Variants in RNF123 observed in about 807,000 individuals in gnomAD.
RNF123 encodes ring finger protein 123.
RNF123 carries 86 observed loss-of-function variants against 168.5 expected under a neutral mutation model. The ratio of observed to expected loss-of-function variants is 0.51; its 90% CI spans 0.43 to 0.61. The LOEUF (loss-of-function observed/expected upper bound fraction) is 0.61, where lower values mean the gene tolerates loss of function less well. Ranked by LOEUF, RNF123 falls within the 20% of genes least tolerant of loss-of-function variation. RNF123 has a pLI of 0.00. For synonymous variants in RNF123, 666 were observed against 689.1 expected (o/e 0.97, Z 0.52); for missense variants, 1,419 against 1,729.7 (o/e 0.82, Z 3.19).
Position 49,705,670 on chromosome 3 carries a change from G to C in RNF123, c.2295G>C (p.Gln765His). Reference sequence around the variant, plus strand: ...TGTACAACCTCAGCGTACACCAGCAGCTGGGCAAGGTCGTGCACTCTTGGA... The same window carrying C: ...TGTACAACCTCAGCGTACACCAGCACCTGGGCAAGGTCGTGCACTCTTGGA... The part of the protein sequence containing the change: ...VMMYNLSVHQ[Q>H]LGKMVGVSDD... Residue 765 changes from glutamine (Q) to histidine (H), a missense_variant, in exon 24 of 39, where the codon CAG becomes CAC. Physicochemically the swap from Gln to His is conservative, Grantham distance 24 (BLOSUM62 0). Around this residue, in one of 5 missense-constraint regions of RNF123, gnomAD observed 538 missense variants for 708.8 expected, o/e 0.76. Coordinates refer to ENST00000327697, the MANE Select transcript of RNF123 (RefSeq NM_022064.5). The C allele has an allele frequency of 6.2e-7, 1 of 1,614,212 alleles. No individual in the cohort carries two copies. Among genetic ancestry groups the C allele is most frequent in the East Asian group, 2.2e-5 (1 of 44,872 alleles).
intron 35 of RNF123, chr3:49,719,288 G>A (rs2080332002): frequency 6.2e-7 from 1 of 1,613,154 alleles, no homozygotes; most frequent in Non-Finnish European, 8.5e-7. Flanking sequence ...GTAGCGGCAG[G>A]TAACTCGGCT....
chr3:49,715,996 C>G lies in RNF123; in HGVS notation c.3325C>G (p.Arg1109Gly). The change falls in exon 33 of 39, where the codon CGG (arginine) becomes GGG (glycine). Residue 1109 changes from arginine to glycine, a missense_variant. Coordinates refer to ENST00000327697, the MANE Select transcript of RNF123 (RefSeq NM_022064.5). The stretch of plus-strand genomic sequence containing the variant: ...CCGGCCTACCTCTGAGATGCTGCTG[C>G]GGCGTCTTGCACAGGTGTGGCCATC... ...WTRPTSEMLL[R>G]RLAQLLNQVL... is the part of the protein sequence containing the mutation. 1 of 1,613,948 alleles carries G rather than the reference C, an allele frequency of 6.2e-7. No homozygotes were observed. Among genetic ancestry groups the G allele is most frequent in the South Asian group, 1.1e-5 (1 of 91,088 alleles).
At chr3:49,717,039 C>T (rs2080261211) in intron 35 of RNF123, 1 of 153,480 alleles carries the variant, frequency 6.5e-6, no homozygotes, top group Non-Finnish European at 1.5e-5. Context: ...AGTGCCAGCC[C>T]TTAAGAGGCT....
At chr3:49,716,225 C>T (rs932911945) in intron 34 of RNF123, 48 bp downstream of exon 34, 2 of 1,600,224 alleles carry the variant, frequency 1.2e-6, no homozygotes, top group Non-Finnish European at 1.7e-6. Flanking sequence ...GGCCTCGGTT[C>T]CTCTGCTAGG....
chr3:49,693,071 C>T (rs1013058520), intron 3 of RNF123, among the ~76,000 whole-genome samples: 17 of 146,530 alleles, frequency 1.2e-4, no homozygotes, highest in South Asian at 4.3e-4. Context: ...TTTTTTGAGA[C>T]GGAGTCTTGC....
At position 49,713,595 on chromosome 3, in the gene RNF123, G is replaced by T. The variant is rs779955358; in HGVS notation, c.2749+8G>T. 1 of 1,610,832 alleles carries T rather than the reference G, an allele frequency of 6.2e-7. No individual in the cohort carries two copies. The highest frequency in any genetic ancestry group is 1.1e-5 in the South Asian group (1 of 90,384). On this transcript the variant is annotated splice_region_variant and intron_variant, in intron 28 of 38. Transcript: ENST00000327697. ...CACGCATTGTGGGCACTGGTGAGGGGCCCCTACAGAGGGTACAGGGGGAGG... is the reference window on the plus strand; with the variant it reads ...CACGCATTGTGGGCACTGGTGAGGGTCCCCTACAGAGGGTACAGGGGGAGG...
intron 13 of RNF123, 25 bp downstream of exon 13, chr3:49,700,377 A>C: frequency 1.2e-6 from 2 of 1,613,566 alleles, no homozygotes; most frequent in Non-Finnish European, 1.7e-6. Flanking sequence ...CTCAGGCCTC[A>C]GGCCTGGCTG....
At chr3:49,716,504 G>C (rs774507364) in intron 35 of RNF123, 27 bp downstream of exon 35, 3 of 1,598,320 alleles carry the variant, frequency 1.9e-6, no homozygotes, top group Non-Finnish European at 2.6e-6. Context: ...GTGGGCCCCT[G>C]TGGGAGTTGG....
intron 35 of RNF123, chr3:49,718,885 C>G: frequency 6.2e-7 from 1 of 1,613,560 alleles, no homozygotes; most frequent in East Asian, 2.2e-5. Context: ...GTGTCCCAGC[C>G]GGTTGGAGGA....
intron 35 of RNF123, 83 bp downstream of exon 35, chr3:49,716,560 G>A: frequency 8.4e-7 from 1 of 1,188,194 alleles, no homozygotes; most frequent in Non-Finnish European, 1.2e-6. Context: ...TGGTACTTCA[G>A]TTTCCTCATC....
chr3:49,716,020 T>C lies in RNF123; in HGVS notation c.3339+10T>C, dbSNP rs754131413. ...GCGGCGTCTTGCACAGGTGTGGCCA[T>C]CTGGGCAACAAGGGTGGGACCCTGG... is the stretch of plus-strand genomic sequence containing the variant. On this transcript the variant is annotated intron_variant, in intron 33 of 38. Transcript: ENST00000327697. 74 of 1,613,788 alleles carry C rather than the reference T, an allele frequency of 4.6e-5. No homozygotes were observed. Among genetic ancestry groups the C allele is most frequent in the Middle Eastern group, 1.6e-4 (1 of 6,084 alleles).
At chr3:49,705,275 C>G in intron 23 of RNF123, 93 bp downstream of exon 23, 1 of 1,428,946 alleles carries the variant, frequency 7.0e-7, no homozygotes, top group African/African-American at 1.4e-5. Flanking sequence ...ACCCCATGCC[C>G]TCCCAGCCCT....
intron 35 of RNF123, 143 bp downstream of exon 35, chr3:49,716,620 G>A (rs780145682): frequency 2.7e-6 from 2 of 735,722 alleles, no homozygotes; most frequent in South Asian, 3.3e-5. Context: ...AAGGTGGTGA[G>A]GTGTGAACGG....
At position 49,716,126 on chromosome 3, in the gene RNF123, G is replaced by T. The variant is rs776882741; in HGVS notation, c.3364G>T (p.Val1122Leu). The T allele has an allele frequency of 6.2e-7, 1 of 1,613,766 alleles. No homozygotes were observed. Among genetic ancestry groups the T allele is most frequent in the East Asian group, 2.2e-5 (1 of 44,870 alleles). ...AQLLNQVLNR[V>L]TAERNLFDRV... ...GCTGCTAAACCAGGTGCTGAACCGG[G>T]TGACAGCTGAGAGGAACCTGTTTGA... Residue 1122 changes from valine (V) to leucine (L), a missense_variant, in exon 34 of 39, where the codon GTG becomes TTG. Physicochemically the swap from Val to Leu is conservative, Grantham distance 32. Coordinates refer to ENST00000327697, the MANE Select transcript of RNF123 (RefSeq NM_022064.5).
chr3:49,715,751 CA>C, intron 32 of RNF123, 37 bp downstream of exon 32: 1 of 1,614,130 alleles, frequency 6.2e-7, no homozygotes, highest in Admixed American at 1.7e-5. Context: ...TAGGGTGGTG[CA>C]AGGGATGAGG....
Position 49,699,696 on chromosome 3 carries a change from C to G in RNF123, c.908C>G (p.Ser303Cys). The G allele has an allele frequency of 6.2e-7, 1 of 1,613,930 alleles. No homozygotes were observed. Among genetic ancestry groups the G allele is most frequent in the Non-Finnish European group, 8.5e-7 (1 of 1,180,022 alleles). ...GGGCGGCTGTTGGACAAGGAGAGCT[C>G]CAAGTGGCGGTTGCGGGGCCAGCCC... is the stretch of plus-strand genomic sequence containing the variant. ...VEGRLLDKESSKWRLRGQPTV... is the reference protein window; with the variant it reads ...VEGRLLDKESCKWRLRGQPTV... Residue 303 changes from serine to cysteine, a missense_variant, in exon 12 of 39, where the codon TCC (serine) becomes TGC (cysteine). Physicochemically the swap from Ser to Cys is moderately radical, Grantham distance 112. Transcript: ENST00000327697. The surrounding 1 kb of genome is among the most constrained non-coding windows in gnomAD (Gnocchi z 4.8).
intron 5 of RNF123, 141 bp from the exon 6 acceptor site, chr3:49,697,744 A>C (rs1575521880): frequency 9.8e-7 from 1 of 1,018,458 alleles, no homozygotes; most frequent in East Asian, 2.4e-5. Context: ...ACCCGCTCCC[A>C]CCGTCCTCAG....
At chr3:49,719,247 G>C in intron 35 of RNF123, 1 of 1,613,238 alleles carries the variant, frequency 6.2e-7, no homozygotes, top group Non-Finnish European at 8.5e-7. Flanking sequence ...GCAGGCGCTG[G>C]AGCGCGTTGT....
chr3:49,718,017 G>A (rs779108889), intron 35 of RNF123: 1 of 1,613,664 alleles, frequency 6.2e-7, no homozygotes, highest in Non-Finnish European at 8.5e-7. Context: ...TCAGCTGCAG[G>A]CCTCCAGGGT....
Sources: allele counts gnomAD v4.1 joint callset (sites outside exome capture counted in the v4.1 genomes callset), GRCh38; gene constraint gnomAD v4.1.1; regional missense constraint gnomAD v4.1.1; non-coding constraint Gnocchi (gnomAD v3.1); transcripts MANE v1.5; gene names NCBI Gene and HGNC (gene_info 2026-07-23, HGNC 2026-07-21).